CHIA: variants seen among roughly 807,000 people sequenced by gnomAD.
CHIA encodes chitinase acidic.
CHIA carries 47 observed loss-of-function variants against 53.5 expected under a neutral mutation model. The observed-to-expected ratio is 0.88, with a 90% CI of 0.70 to 1.12. The LOEUF (loss-of-function observed/expected upper bound fraction) is 1.12. Among genes scored for constraint, CHIA ranks in the 50% most tolerant of loss-of-function variants. CHIA has a pLI of 0.00. For synonymous variants in CHIA, 268 were observed against 222.2 expected, an observed-to-expected ratio of 1.21 and a Z score of -1.83; for missense variants, 652 against 592.2, an observed-to-expected ratio of 1.10 and a Z score of -1.05.
chr1:111,319,151 A>G lies in CHIA; in HGVS notation c.947A>G (p.Gln316Arg). The change falls in exon 10 of 12, where the codon CAG (glutamine) becomes CGG (arginine). Residue 316 changes from glutamine (Q) to arginine (R), a missense_variant. Physicochemically the swap from Gln to Arg is conservative, Grantham distance 43 (BLOSUM62 1). Coordinates refer to ENST00000369740, the MANE Select transcript of CHIA (RefSeq NM_201653.4). ...ICTFLKNGAT[Q>R]GWDAPQEVPY... ...ACCTTCCTGAAAAATGGAGCCACTC[A>G]GGGATGGGATGCCCCTCAGGAAGTG... is the stretch of plus-strand genomic sequence containing the variant. The G allele has an allele frequency of 6.2e-7, 1 of 1,612,600 alleles. No individual in the cohort carries two copies. Among genetic ancestry groups the G allele is most frequent in the South Asian group, 1.1e-5 (1 of 91,074 alleles).
chr1:111,312,880 C>T (rs1648802082), intron 4 of CHIA, among the ~76,000 whole-genome samples: 3 of 151,856 alleles, frequency 2.0e-5, no homozygotes, highest in Admixed American at 2.0e-4. Flanking sequence ...TTAGATTCCA[C>T]TTATAAGTGA....
Position 111,304,665 on chromosome 1 carries a change from C to CT in CHIA, c.-68-5728dup, listed in dbSNP as rs1278270003. Among the ~76,000 whole-genome samples, 7 of 152,050 alleles carry CT rather than the reference C, an allele frequency of 4.6e-5. No individual in the cohort carries two copies. The South Asian group carries it at 6.2e-4, about 14-fold the overall frequency. ...CATCATTTTCTTCATTCTCTACATC[C>CT]TTTTTTTAGAGCATATTCAAGACAG... On this transcript the variant is annotated intron_variant, in intron 1 of 11. Coordinates refer to ENST00000369740, the MANE Select transcript of CHIA (RefSeq NM_201653.4).
intron 1 of CHIA, among the ~76,000 whole-genome samples, chr1:111,307,540 G>A (rs1221068121): frequency 6.6e-6 from 1 of 152,104 alleles, no homozygotes; most frequent in African/African-American, 2.4e-5. Context: ...GTTACTCCAG[G>A]GGAATGAGGA....
chr1:111,315,141 C>A, intron 5 of CHIA, 129 bp from the exon 6 acceptor site: 1 of 683,038 alleles, frequency 1.5e-6, no homozygotes, highest in South Asian at 1.8e-5. Context: ...AGGAGAAAAC[C>A]AAGAACATGC....
chr1:111,316,170 C>G (rs908865138), intron 6 of CHIA: 1 of 201,486 alleles, frequency 5.0e-6, no homozygotes, highest in African/African-American at 2.4e-5. Flanking sequence ...AAATGATATA[C>G]AGATAAGTGT....
At chr1:111,304,442 C>T (rs140949377) in intron 1 of CHIA, among the ~76,000 whole-genome samples, 180 of 152,182 alleles carry the variant, frequency 1.2e-3, no homozygotes, top group African/African-American at 4.1e-3. Flanking sequence ...TGTTTTCTTT[C>T]TGTTCCTCAA....
intron 5 of CHIA, chr1:111,315,058 T>G: frequency 2.0e-6 from 1 of 501,860 alleles, no homozygotes; most frequent in Non-Finnish European, 3.5e-6. Context: ...AAGAGCAGAG[T>G]TGGGGGGATA....
At chr1:111,318,183 G>C (rs1430744269) in intron 8 of CHIA, 74 bp downstream of exon 8, 1 of 1,348,416 alleles carries the variant, frequency 7.4e-7, no homozygotes, top group African/African-American at 1.5e-5. Context: ...GGCACAAAAG[G>C]CATCATAAGT....
chr1:111,293,817 T>C (rs1172360791), intron 1 of CHIA, among the ~76,000 whole-genome samples: 1 of 152,232 alleles, frequency 6.6e-6, no homozygotes, highest in East Asian at 1.9e-4. Context: ...TGGTGGCTCA[T>C]GCTTATAACT....
In CHIA at chr1:111,318,640, C is replaced by A. The variant is rs1225748295; in HGVS notation, c.877C>A (p.Pro293Thr). The change falls in exon 9 of 12, where the codon CCC becomes ACC. Residue 293 changes from proline to threonine, a missense_variant. Pro to Thr is a conservative substitution (Grantham distance 38). Coordinates refer to ENST00000369740, the MANE Select transcript of CHIA (RefSeq NM_201653.4). ...CACCTCTGGTGCTGGTCCTGCTGGG[C>A]CCTATGCCAAGGAGTCTGGGATCTG... ...APTSGAGPAG[P>T]YAKESGIWAY... 6.2e-7 allele frequency: 1 copy of A among 1,614,098 alleles called. No homozygotes were observed. The highest frequency in any genetic ancestry group is 8.5e-7 in the Non-Finnish European group (1 of 1,179,984).
In CHIA at chr1:111,319,383, G is replaced by C. The variant is rs1314488719; in HGVS notation, c.1092G>C (p.Leu364=). The C allele has an allele frequency of 1.2e-6, 2 of 1,614,010 alleles. No individual in the cohort carries two copies. The highest frequency in any genetic ancestry group is 2.7e-5 in the African/African-American group (2 of 74,918). ...FGGAMVWAID[L]DDFTGTFCNQ... is the part of the protein sequence containing the mutation. ...GCGCCATGGTCTGGGCCATTGATCTGGATGACTTCACTGGCACTTTCTGCA... is the reference window on the plus strand; with the variant it reads ...GCGCCATGGTCTGGGCCATTGATCTCGATGACTTCACTGGCACTTTCTGCA... Residue 364 remains leucine (L), a synonymous_variant, in exon 11 of 12, where the codon CTG becomes CTC. Transcript: ENST00000369740.
At chr1:111,297,417 T>C (rs575962045) in intron 1 of CHIA, among the ~76,000 whole-genome samples, 1 of 152,212 alleles carries the variant, frequency 6.6e-6, no homozygotes, top group South Asian at 2.1e-4. Flanking sequence ...TGAGGGCTAA[T>C]ATTCAACATT....
In CHIA at chr1:111,318,672, C is replaced by T; in HGVS notation, c.909C>T (p.Tyr303=). Residue 303 remains tyrosine (Y), a synonymous_variant, in exon 9 of 12, where the codon TAC becomes TAT. Transcript: ENST00000369740. Reference sequence around the variant, plus strand: ...CCAAGGAGTCTGGGATCTGGGCTTACTACGAGGTATGTAGATTGGACTGAA... The same window carrying T: ...CCAAGGAGTCTGGGATCTGGGCTTATTACGAGGTATGTAGATTGGACTGAA... ...PYAKESGIWA[Y]YEICTFLKNG... is the part of the protein sequence containing the mutation. 1.2e-6 allele frequency: 2 copies of T among 1,613,254 alleles called. No individual in the cohort carries two copies. The highest frequency in any genetic ancestry group is 1.7e-6 in the Non-Finnish European group (2 of 1,179,554).
At chr1:111,309,192 T>C (rs1049887157) in intron 1 of CHIA, among the ~76,000 whole-genome samples, 1 of 152,146 alleles carries the variant, frequency 6.6e-6, no homozygotes, top group African/African-American at 2.4e-5. Flanking sequence ...AAAATAAAAA[T>C]TTTTCCTGGC....
rs768777633 is a variant in CHIA, at chr1:111,318,475, A to G, written c.730-18A>G. ...CCTCAGCTGGTTGGGCCATGTAACT[A>G]ACCCACTGACATTGCAGGATTATGT... On this transcript the variant is annotated intron_variant, in intron 8 of 11. Transcript: ENST00000369740. 3 of 1,606,682 alleles carry G rather than the reference A, an allele frequency of 1.9e-6. No homozygotes were observed. Among genetic ancestry groups the G allele is most frequent in the Non-Finnish European group, 2.6e-6 (3 of 1,175,284 alleles).
Position 111,320,318 on chromosome 1 carries a change from G to A in CHIA, c.1283G>A (p.Gly428Glu), listed in dbSNP as rs1237111084. 10 of 1,614,118 alleles carry A rather than the reference G, an allele frequency of 6.2e-6. No homozygotes were observed. The African/African-American group carries it at 8.0e-5, about 13-fold the overall frequency. The change falls in exon 12 of 12, where the codon GGA becomes GAA. Residue 428 changes from glycine to glutamate, a missense_variant. Physicochemically the swap from Gly to Glu is moderately conservative, Grantham distance 98 (BLOSUM62 -2). Transcript: ENST00000369740. ...TCTGGAGGCAGCTCGGGAGGCAGTGGATTCTGTGCTGTCAGAGCCAACGGC... is the reference window on the plus strand; with the variant it reads ...TCTGGAGGCAGCTCGGGAGGCAGTGAATTCTGTGCTGTCAGAGCCAACGGC... ...SSSGGSSGGS[G>E]FCAVRANGLY... is the part of the protein sequence containing the mutation.
At position 111,301,216 on chromosome 1, in the gene CHIA, G is replaced by A. The variant is rs185616059; in HGVS notation, c.-68-9184G>A. 2.2e-3 allele frequency among the ~76,000 whole-genome samples: 333 copies of A among 152,184 alleles called. 1 individual carries two copies. The highest frequency in any genetic ancestry group is 7.3e-3 in the African/African-American group (305 of 41,512). On this transcript the variant is annotated intron_variant, in intron 1 of 11. Coordinates refer to ENST00000369740, the MANE Select transcript of CHIA (RefSeq NM_201653.4). ...AACTAGAAATACCATTTGACCCAGCGATCCCATTACTGGGTATATACCCAA... is the reference window on the plus strand; with the variant it reads ...AACTAGAAATACCATTTGACCCAGCAATCCCATTACTGGGTATATACCCAA...
intron 1 of CHIA, among the ~76,000 whole-genome samples, chr1:111,302,518 A>T (rs1391483383): frequency 6.6e-6 from 1 of 152,156 alleles, no homozygotes; most frequent in African/African-American, 2.4e-5. Flanking sequence ...TCTATTATTA[A>T]GAGTGTGTTG....
intron 1 of CHIA, among the ~76,000 whole-genome samples, chr1:111,307,480 T>C (rs1648276854): frequency 6.6e-6 from 1 of 152,156 alleles, no homozygotes; most frequent in African/African-American, 2.4e-5. Flanking sequence ...CAGACATATG[T>C]GATAATACTA....
Sources: gnomAD v4.1 joint callset for allele counts (sites outside exome capture counted in the v4.1 genomes callset) on GRCh38, gnomAD v4.1.1 for gene constraint, MANE v1.5 for transcripts, NCBI Gene and HGNC (gene_info 2026-07-23, HGNC 2026-07-21) for gene names.